ANO10: variants seen among roughly 807,000 people sequenced by gnomAD.
ANO10 encodes anoctamin 10, also known as anoctamin-10.
A neutral mutation model predicts 74.7 loss-of-function variants in ANO10; 77 were observed. The observed-to-expected ratio is 1.03, with a 90% CI of 0.86 to 1.25. The LOEUF (loss-of-function observed/expected upper bound fraction) is 1.25. ANO10 is among the 50% of genes most tolerant of loss of function. ANO10 has a pLI of 0.00. For synonymous variants in ANO10, 279 were observed against 284.9 expected (o/e 0.98, Z 0.21); for missense variants, 721 against 778.1 (o/e 0.93, Z 0.87).
intron 12 of ANO10, 86 bp from the exon 13 acceptor site, chr3:43,367,060 C>A (rs2091436710): frequency 9.2e-6 from 12 of 1,308,700 alleles, no homozygotes; most frequent in South Asian, 8.9e-5. Context: ...GCCTGGCCAG[C>A]GGCTTTGACC....
intron 11 of ANO10, among the ~76,000 whole-genome samples, chr3:43,461,735 C>T (rs987297788): frequency 6.6e-6 from 1 of 152,162 alleles, no homozygotes; most frequent in Admixed American, 6.5e-5. Context: ...AATTAAGCCT[C>T]CTTCTTTTAT....
At chr3:43,422,672 C>A (rs2092836929) in intron 12 of ANO10, among the ~76,000 whole-genome samples, 1 of 152,242 alleles carries the variant, frequency 6.6e-6, no homozygotes, top group Non-Finnish European at 1.5e-5. Flanking sequence ...AATTTTATTC[C>A]ATTTCACAGC....
At chr3:43,481,998 A>G (rs2076290473) in intron 11 of ANO10, among the ~76,000 whole-genome samples, 3 of 137,552 alleles carry the variant, frequency 2.2e-5, no homozygotes, top group African/African-American at 8.3e-5. Flanking sequence ...GTGTGATCTC[A>G]GCTCACTGCA....
intron 11 of ANO10, among the ~76,000 whole-genome samples, chr3:43,548,288 T>C (rs758690485): frequency 1.3e-5 from 2 of 152,220 alleles, no homozygotes; most frequent in Non-Finnish European, 2.9e-5. Context: ...GAAAGCACAC[T>C]ACAAGCCTAG....
At position 43,453,174 on chromosome 3, in the gene ANO10, T is replaced by TC. The variant is rs140971310; in HGVS notation, c.1798-20448dup. On this transcript the variant is annotated intron_variant, in intron 11 of 12. Coordinates refer to ENST00000292246, the MANE Select transcript of ANO10 (RefSeq NM_018075.5). ...TGATGAAGCCCAGTTTATCTTCTTT[T>TC]CCCCCTTTTTTTTTTTTTTTTTGAG... Among the ~76,000 whole-genome samples, 463 of 127,556 alleles carry TC rather than the reference T, an allele frequency of 3.6e-3. 1 individual carries two copies. Among genetic ancestry groups the TC allele is most frequent in the South Asian group, 9.9e-3 (39 of 3,950 alleles). 83.7% of individuals were successfully genotyped at this position (127,556 alleles called of 152,430 possible). A position where few individuals can be genotyped will look rare whatever the true frequency, so the allele number is the denominator to read the frequency against.
At chr3:43,653,286 T>G (rs7638695) in intron 1 of ANO10, among the ~76,000 whole-genome samples, 15,831 of 152,116 alleles carry the variant, frequency 0.1, 1,738 homozygotes, top group African/African-American at 0.27. Context: ...ATTCATAATA[T>G]AAGAAACAGA....
chr3:43,384,889 G>A (rs988136799), intron 12 of ANO10, among the ~76,000 whole-genome samples: 7 of 152,064 alleles, frequency 4.6e-5, no homozygotes, highest in African/African-American at 1.7e-4. Context: ...GAACCCAAAA[G>A]CAAATGCAAC....
chr3:43,388,578 T>C (rs1208175128), intron 12 of ANO10, among the ~76,000 whole-genome samples: 4 of 152,180 alleles, frequency 2.6e-5, no homozygotes, highest in African/African-American at 9.7e-5. Flanking sequence ...GATCACCTAA[T>C]GGATATTAAA....
At chr3:43,673,003 C>A (rs999028352) in intron 1 of ANO10, among the ~76,000 whole-genome samples, 1 of 152,120 alleles carries the variant, frequency 6.6e-6, no homozygotes, top group African/African-American at 2.4e-5. Flanking sequence ...GTAAACAGTA[C>A]GATTACTAGT....
intron 11 of ANO10, among the ~76,000 whole-genome samples, chr3:43,523,510 A>G (rs2078051136): frequency 6.6e-6 from 1 of 152,200 alleles, no homozygotes; most frequent in Admixed American, 6.5e-5. Context: ...GTAGCAACTC[A>G]GAAAAGGAAT....
intron 11 of ANO10, among the ~76,000 whole-genome samples, chr3:43,491,285 A>G (rs1177697538): frequency 6.6e-6 from 1 of 152,140 alleles, no homozygotes; most frequent in Non-Finnish European, 1.5e-5. Context: ...AGGCTGAGGC[A>G]GGCAGATGAC....
chr3:43,427,581 C>T (rs1244685296), intron 12 of ANO10, among the ~76,000 whole-genome samples: 1 of 152,128 alleles, frequency 6.6e-6, no homozygotes, highest in Non-Finnish European at 1.5e-5. Context: ...TATCTGGTCA[C>T]TTAATAGTGA....
At chr3:43,497,470 GCT>G (rs780275534) in intron 11 of ANO10, among the ~76,000 whole-genome samples, 2 of 152,142 alleles carry the variant, frequency 1.3e-5, no homozygotes, top group Non-Finnish European at 2.9e-5. Flanking sequence ...CACACTTTCT[GCT>G]CTGTTTTTCC....
In ANO10 at chr3:43,630,674, T is replaced by C. The variant is rs563588191; in HGVS notation, c.-11-24811A>G. Reference sequence around the variant, plus strand: ...GTCCCCCAGAGCACAAGTAACTCATTCATTTCCCTAAGACTGCTCAAAACG... The same window carrying C: ...GTCCCCCAGAGCACAAGTAACTCATCCATTTCCCTAAGACTGCTCAAAACG... On this transcript the variant is annotated intron_variant, in intron 1 of 3. Transcript: ENST00000413397. Among the ~76,000 whole-genome samples, 14 of 152,346 alleles carry C rather than the reference T, an allele frequency of 9.2e-5. No individual in the cohort carries two copies. In the South Asian group the frequency reaches 2.5e-3, roughly 27 times the overall value.
At chr3:43,652,680 C>T (rs1294496289) in intron 1 of ANO10, among the ~76,000 whole-genome samples, 1 of 151,938 alleles carries the variant, frequency 6.6e-6, no homozygotes, top group South Asian at 2.1e-4. Context: ...TTTAAAAGGA[C>T]TTAAATGAGT....
intron 4 of ANO10, among the ~76,000 whole-genome samples, chr3:43,598,288 T>C (rs2082180492): frequency 1.3e-5 from 2 of 152,208 alleles, no homozygotes; most frequent in South Asian, 4.1e-4. Flanking sequence ...TATGTATATG[T>C]ATACACACTG....
At chr3:43,679,309 G>T (rs528975246) in intron 1 of ANO10, among the ~76,000 whole-genome samples, 5 of 152,178 alleles carry the variant, frequency 3.3e-5, no homozygotes, top group African/African-American at 1.2e-4. Flanking sequence ...TGCATGGCTC[G>T]GAGGGTCCTA....
intron 4 of ANO10, among the ~76,000 whole-genome samples, chr3:43,590,886 C>T (rs914387348): frequency 2.6e-5 from 4 of 152,166 alleles, no homozygotes; most frequent in African/African-American, 7.2e-5. Flanking sequence ...ACCACACCCA[C>T]CTTTAAACAT....
At chr3:43,464,347 A>T (rs963773488) in intron 11 of ANO10, among the ~76,000 whole-genome samples, 3 of 152,150 alleles carry the variant, frequency 2.0e-5, no homozygotes, top group African/African-American at 7.2e-5. Context: ...AAATCCAGCA[A>T]TCTCTAATAA....
Sources: allele counts gnomAD v4.1 joint callset (sites outside exome capture counted in the v4.1 genomes callset), GRCh38; gene constraint gnomAD v4.1.1; transcripts MANE v1.5; gene names NCBI Gene and HGNC (gene_info 2026-07-23, HGNC 2026-07-21).